Variants in MAP2 observed in about 807,000 individuals in gnomAD.
MAP2 encodes microtubule-associated protein 2.
Under a neutral mutation model 137.6 loss-of-function variants are expected in MAP2, and 14 were observed. That is an observed-to-expected ratio of 0.10 (90% CI 0.07 to 0.16). The LOEUF is 0.16. MAP2 is among the 10% of genes least tolerant of loss of function. The pLI, the probability that MAP2 is intolerant of heterozygous loss-of-function variation, is 1.00. For synonymous variants in MAP2, 786 were observed against 782.3 expected (o/e 1.00, Z -0.08); for missense variants, 2,088 against 2,191.5 (o/e 0.95, Z 0.94).
At chr2:209,552,720 G>A (rs548441549) in intron 2 of MAP2, among the ~76,000 whole-genome samples, 2 of 152,080 alleles carry the variant, frequency 1.3e-5, no homozygotes, top group East Asian at 3.9e-4. Flanking sequence ...AATTAGCCGG[G>A]CGTTGTGGCA....
chr2:209,504,778 A>G (rs1484468704), intron 1 of MAP2, among the ~76,000 whole-genome samples: 3 of 152,112 alleles, frequency 2.0e-5, no homozygotes, highest in Non-Finnish European at 4.4e-5. Flanking sequence ...ATATTTAGAT[A>G]TAAATCACAA....
chr2:209,721,277 G>C (rs1181852369), intron 13 of MAP2, among the ~76,000 whole-genome samples: 1 of 152,158 alleles, frequency 6.6e-6, no homozygotes, highest in Non-Finnish European at 1.5e-5. Context: ...CAAAGGTCTA[G>C]AGAGGCCAGT....
At chr2:209,614,499 A>C (rs1026265692) in intron 3 of MAP2, among the ~76,000 whole-genome samples, 1 of 152,142 alleles carries the variant, frequency 6.6e-6, no homozygotes, top group Admixed American at 6.6e-5. Context: ...GAGAATTATC[A>C]TATTATGCAC....
intron 1 of MAP2, among the ~76,000 whole-genome samples, chr2:209,466,430 A>G (rs1704137212): frequency 6.6e-6 from 1 of 152,174 alleles, no homozygotes; most frequent in South Asian, 2.1e-4. Flanking sequence ...ATCTGTAAAA[A>G]GGACTAATAG....
At chr2:209,665,349 C>T (rs2045842567) in intron 5 of MAP2, among the ~76,000 whole-genome samples, 2 of 152,052 alleles carry the variant, frequency 1.3e-5, no homozygotes, top group African/African-American at 4.8e-5. Context: ...AAAAATTTTT[C>T]ATGTTCATTT....
intron 3 of MAP2, among the ~76,000 whole-genome samples, chr2:209,604,947 G>T (rs1008957191): frequency 6.6e-6 from 1 of 152,096 alleles, no homozygotes; most frequent in African/African-American, 2.4e-5. Flanking sequence ...AACAAAGCCT[G>T]ATGGTTATGG....
intron 1 of MAP2, among the ~76,000 whole-genome samples, chr2:209,504,468 G>A (rs920320953): frequency 2.0e-5 from 3 of 152,148 alleles, no homozygotes; most frequent in African/African-American, 7.2e-5. Flanking sequence ...AAACAAATGG[G>A]CAGTTTCAGG....
At chr2:209,604,381 A>G (rs1197618127) in intron 3 of MAP2, among the ~76,000 whole-genome samples, 1 of 152,146 alleles carries the variant, frequency 6.6e-6, no homozygotes, top group African/African-American at 2.4e-5. Flanking sequence ...CACAGGGTGT[A>G]CAGTGCCCTA....
rs533377360 is a variant in MAP2 at position 209,686,385 on chromosome 2, A to C, written c.454+5558A>C. ...TTCAGACTTATTTCTAGTTGTCAGC[A>C]CTTGGTTGCCAAAAATAAGTTACTG... On this transcript the variant is annotated intron_variant, in intron 7 of 15. Transcript: ENST00000682079. 2.2e-4 allele frequency among the ~76,000 whole-genome samples: 33 copies of C among 152,338 alleles called. No individual in the cohort carries two copies. In the Middle Eastern group the frequency reaches 0.014, roughly 63 times the overall value.
At chr2:209,719,658 A>C (rs1468741320) in intron 13 of MAP2, among the ~76,000 whole-genome samples, 1 of 152,184 alleles carries the variant, frequency 6.6e-6, no homozygotes, top group Non-Finnish European at 1.5e-5. Context: ...GTGGCAGATC[A>C]CTTCAATTAA....
At chr2:209,538,537 T>TG (rs1394342456) in intron 2 of MAP2, among the ~76,000 whole-genome samples, 1 of 142,668 alleles carries the variant, frequency 7.0e-6, no homozygotes, top group African/African-American at 2.7e-5. Flanking sequence ...GAAGAGTCCT[T>TG]TTTTTTTTTT....
At chr2:209,718,181 A>G (rs541265523) in intron 13 of MAP2, among the ~76,000 whole-genome samples, 1 of 152,244 alleles carries the variant, frequency 6.6e-6, no homozygotes, top group Admixed American at 6.5e-5. Context: ...GTAAATACTA[A>G]TTTTTAAAAA....
intron 1 of MAP2, among the ~76,000 whole-genome samples, chr2:209,453,507 A>G (rs911811010): frequency 6.6e-6 from 1 of 152,184 alleles, no homozygotes; most frequent in Non-Finnish European, 1.5e-5. Flanking sequence ...TAACGACTTA[A>G]AAGGGCTGGA....
intron 3 of MAP2, among the ~76,000 whole-genome samples, chr2:209,595,859 A>G (rs1044648918): frequency 3.3e-5 from 5 of 152,200 alleles, no homozygotes; most frequent in African/African-American, 4.8e-5. Flanking sequence ...ACAAAGACAG[A>G]AAACCAAACA....
At chr2:209,634,546 A>G (rs1476165680) in intron 4 of MAP2, among the ~76,000 whole-genome samples, 1 of 152,102 alleles carries the variant, frequency 6.6e-6, no homozygotes, top group African/African-American at 2.4e-5. Flanking sequence ...GGAAGTGTAC[A>G]CAGCACTTCT....
intron 2 of MAP2, among the ~76,000 whole-genome samples, chr2:209,565,363 A>G (rs1289706934): frequency 1.3e-5 from 2 of 151,998 alleles, no homozygotes; most frequent in Non-Finnish European, 2.9e-5. Flanking sequence ...GACTACAGGT[A>G]CACACTACCA....
At chr2:209,557,918 T>G (rs962712591) in intron 2 of MAP2, among the ~76,000 whole-genome samples, 1 of 152,216 alleles carries the variant, frequency 6.6e-6, no homozygotes, top group Non-Finnish European at 1.5e-5. Flanking sequence ...TAAACAGTTT[T>G]ATGTGCCTTT....
intron 12 of MAP2, among the ~76,000 whole-genome samples, chr2:209,708,306 A>G (rs974931926): frequency 2.6e-5 from 4 of 152,160 alleles, no homozygotes; most frequent in African/African-American, 9.7e-5. Context: ...ACACATGCTA[A>G]TTTCTCACTT....
chr2:209,719,372 G>A (rs1362421267), intron 13 of MAP2, among the ~76,000 whole-genome samples: 1 of 152,194 alleles, frequency 6.6e-6, no homozygotes, highest in Non-Finnish European at 1.5e-5. Context: ...CAGTGTTAGA[G>A]TCAATTTAAA....
Sources: gnomAD v4.1 joint callset for allele counts (sites outside exome capture counted in the v4.1 genomes callset) on GRCh38, gnomAD v4.1.1 for gene constraint, MANE v1.5 for transcripts, NCBI Gene and HGNC (gene_info 2026-07-23, HGNC 2026-07-21) for gene names.